PREP: variants seen among roughly 807,000 people sequenced by gnomAD.
PREP encodes the protein prolyl endopeptidase, also known as dJ355L5.1 (prolyl endopeptidase).
In PREP, 29 loss-of-function variants were observed where a neutral mutation model predicts 87.6. The observed-to-expected ratio is 0.33, with a 90% CI of 0.25 to 0.45. The LOEUF (loss-of-function observed/expected upper bound fraction) is 0.45, where lower values mean the gene tolerates loss of function less well. Among genes scored for constraint, PREP ranks in the 20% least tolerant of loss-of-function variants. The probability of loss-of-function intolerance (pLI) is 1.00; values close to 1 mark genes in which losing one functional copy is unlikely to be tolerated. For missense variants in PREP, 695 were observed against 886.5 expected, an observed-to-expected ratio of 0.78 and a Z score of 2.74; for synonymous variants, 337 against 328.6, an observed-to-expected ratio of 1.03 and a Z score of -0.28.
intron 6 of PREP, among the ~76,000 whole-genome samples, chr6:105,357,910 A>G (rs1394522100): frequency 6.6e-6 from 1 of 150,498 alleles, no homozygotes; most frequent in Non-Finnish European, 1.5e-5. Flanking sequence ...GTTCAACAAT[A>G]CTGTTTTTTT....
intron 10 of PREP, chr6:105,322,876 G>C (rs1347550740): frequency 8.5e-6 from 10 of 1,177,582 alleles, no homozygotes; most frequent in Non-Finnish European, 1.1e-5. Flanking sequence ...TAATGCCCTA[G>C]TTTCACAGAA....
At chr6:105,371,405 G>C (rs1377171004) in intron 5 of PREP, among the ~76,000 whole-genome samples, 2 of 148,504 alleles carry the variant, frequency 1.3e-5, no homozygotes, top group East Asian at 4.0e-4. Flanking sequence ...GGAGGCTGAG[G>C]CAGGAGAATC....
chr6:105,316,964 T>TTA (rs1770889137), intron 10 of PREP, among the ~76,000 whole-genome samples: 2 of 151,578 alleles, frequency 1.3e-5, no homozygotes, highest in Admixed American at 6.6e-5. Flanking sequence ...AATTAATTTT[T>TTA]TTTTTTTTTT....
chr6:105,288,529 G>A lies in PREP; in HGVS notation c.1454+229C>T, dbSNP rs149470646. On this transcript the variant is annotated intron_variant, in intron 11 of 14. Transcript: ENST00000652536. ...CCACCACGTCCAGCTAATATTTTTC[G>A]TATTTTTAGTAGATATGGGGTTTCA... Among the ~76,000 whole-genome samples the A allele has an allele frequency of 4.4e-4, 67 of 152,210 alleles. No individual in the cohort carries two copies. In the East Asian group the frequency reaches 0.011, roughly 25 times the overall value.
chr6:105,387,407 C>T (rs754662888), intron 2 of PREP, among the ~76,000 whole-genome samples: 1 of 151,994 alleles, frequency 6.6e-6, no homozygotes, highest in East Asian at 1.9e-4. Context: ...TAAATGTATA[C>T]AAGTACTTGA....
chr6:105,342,478 A>T (rs1442946658), intron 7 of PREP, among the ~76,000 whole-genome samples: 1 of 152,208 alleles, frequency 6.6e-6, no homozygotes, highest in Non-Finnish European at 1.5e-5. Context: ...GGCACAAGAC[A>T]GGGATGCCCT....
chr6:105,377,257 G>C, intron 3 of PREP, 129 bp downstream of exon 3: 1 of 1,065,816 alleles, frequency 9.4e-7, no homozygotes, highest in Non-Finnish European at 1.4e-6. Flanking sequence ...CTCATATTCA[G>C]GCATAGAAAT....
chr6:105,340,001 A>G (rs1771595350), intron 7 of PREP, among the ~76,000 whole-genome samples: 1 of 152,242 alleles, frequency 6.6e-6, no homozygotes. Flanking sequence ...CCCCCAGCCT[A>G]GCAAGGCAGG....
chr6:105,321,251 G>A (rs114465846), intron 10 of PREP, among the ~76,000 whole-genome samples: 45 of 152,330 alleles, frequency 3.0e-4, no homozygotes, highest in African/African-American at 1.1e-3. Flanking sequence ...ATTAAGATCT[G>A]TACTATCCAG....
intron 6 of PREP, among the ~76,000 whole-genome samples, chr6:105,364,950 G>C (rs996984632): frequency 6.6e-6 from 1 of 152,228 alleles, no homozygotes; most frequent in African/African-American, 2.4e-5. Flanking sequence ...TTTGGTACAT[G>C]GTTATAAAGA....
Position 105,312,322 on chromosome 6 carries a change from A to G in PREP, c.1317+11343T>C, listed in dbSNP as rs115140480. Among the ~76,000 whole-genome samples the G allele has an allele frequency of 4.7e-3, 710 of 152,338 alleles. 5 individuals carry two copies. Among genetic ancestry groups the G allele is most frequent in the Middle Eastern group, 0.024 (7 of 294 alleles). On this transcript the variant is annotated intron_variant, in intron 10 of 14. Coordinates refer to ENST00000652536, the MANE Select transcript of PREP (RefSeq NM_002726.5). ...GCTAGGAGGAAACAAAGAGTCATCTATTACTTGATTCAGAACTAACTGGTA... is the reference window on the plus strand; with the variant it reads ...GCTAGGAGGAAACAAAGAGTCATCTGTTACTTGATTCAGAACTAACTGGTA...
chr6:105,402,427 C>CACACACACACACACACACACAA (rs537359143), intron 1 of PREP, among the ~76,000 whole-genome samples: 1 of 150,272 alleles, frequency 6.7e-6, no homozygotes, highest in Non-Finnish European at 1.5e-5. Flanking sequence ...ATCACACACA[C>CACACACACACACACACACACAA]ACACACACAC....
At chr6:105,351,014 A>C (rs1047228104) in intron 7 of PREP, among the ~76,000 whole-genome samples, 2 of 152,346 alleles carry the variant, frequency 1.3e-5, no homozygotes, top group Non-Finnish European at 2.9e-5. Context: ...GCATCAGTAA[A>C]GCCCTAACAC....
chr6:105,372,685 AGAG>A (rs1340569070), intron 5 of PREP, among the ~76,000 whole-genome samples: 5 of 152,238 alleles, frequency 3.3e-5, no homozygotes, highest in African/African-American at 1.2e-4. Context: ...ACTTCTGATC[AGAG>A]GAGAATATGC....
chr6:105,323,301 A>G (rs1771062437), intron 10 of PREP, among the ~76,000 whole-genome samples: 1 of 152,166 alleles, frequency 6.6e-6, no homozygotes. Flanking sequence ...CATACTTTAC[A>G]TAGAGCAAAT....
Position 105,373,218 on chromosome 6 carries a change from T to C in PREP, c.595+151A>G, listed in dbSNP as rs980131285. 5.9e-6 allele frequency: 5 copies of C among 843,214 alleles called. No individual in the cohort carries two copies. In the Admixed American group the frequency reaches 9.5e-5, roughly 16 times the overall value. The allele number at this position is 843,214 out of a possible 1,614,324, so 52.2% of individuals were successfully genotyped here. On this transcript the variant is annotated intron_variant, in intron 5 of 14. Coordinates refer to ENST00000652536, the MANE Select transcript of PREP (RefSeq NM_002726.5). Reference sequence around the variant, plus strand: ...AGCTACTACATTTTGGTGGGGTCTATTACACAGCAAAGCCAACTGATACAA... The same window carrying C: ...AGCTACTACATTTTGGTGGGGTCTACTACACAGCAAAGCCAACTGATACAA...
intron 2 of PREP, among the ~76,000 whole-genome samples, chr6:105,393,638 A>G (rs1185196188): frequency 6.6e-6 from 1 of 152,194 alleles, no homozygotes; most frequent in Non-Finnish European, 1.5e-5. Context: ...AATTTCTAGT[A>G]GCCACATTAA....
intron 6 of PREP, among the ~76,000 whole-genome samples, chr6:105,356,444 G>A (rs1366321140): frequency 2.0e-5 from 3 of 152,302 alleles, no homozygotes; most frequent in East Asian, 1.9e-4. Flanking sequence ...CTCAGTCAGC[G>A]TACACACTGC....
intron 10 of PREP, among the ~76,000 whole-genome samples, chr6:105,294,570 T>C (rs888567558): frequency 6.6e-5 from 10 of 152,214 alleles, no homozygotes; most frequent in Non-Finnish European, 1.2e-4. Context: ...CAATGTTTGC[T>C]GTGTGTCTAT....
Sources: allele counts gnomAD v4.1 joint callset (sites outside exome capture counted in the v4.1 genomes callset), GRCh38; gene constraint gnomAD v4.1.1; transcripts MANE v1.5; gene names NCBI Gene and HGNC (gene_info 2026-07-23, HGNC 2026-07-21).